GBE1: variants seen among roughly 807,000 people sequenced by gnomAD.
The protein encoded by GBE1 is 1,4-alpha-glucan branching enzyme 1.
In GBE1, 70 loss-of-function variants were observed where a neutral mutation model predicts 88.8. That is an observed-to-expected ratio of 0.79 (90% CI 0.65 to 0.96). The LOEUF (loss-of-function observed/expected upper bound fraction) is 0.96. GBE1 is among the 40% of genes least tolerant of loss of function. GBE1 has a pLI of 0.00. For synonymous variants in GBE1, 284 were observed against 300.1 expected (o/e 0.95, Z 0.56); for missense variants, 872 against 871.0 (o/e 1.00, Z -0.01).
rs1430819739 is a variant in GBE1 at position 81,705,616 on chromosome 3, T to C, written c.144-3A>G. The C allele has an allele frequency of 1.3e-6, 2 of 1,521,164 alleles. No homozygotes were observed. The highest frequency in any genetic ancestry group is 8.8e-7 in the Non-Finnish European group (1 of 1,134,632). 94.2% of individuals were successfully genotyped at this position (1,521,164 alleles called of 1,614,324 possible). ...AAATTTGGCTAAACTGCTTATACCTTTGAAGAAGTATGAAAGAAAATGAGT... is the reference window on the plus strand; with the variant it reads ...AAATTTGGCTAAACTGCTTATACCTCTGAAGAAGTATGAAAGAAAATGAGT... On this transcript the variant is annotated splice_region_variant and splice_polypyrimidine_tract_variant and intron_variant, in intron 1 of 15. Transcript: ENST00000429644.
chr3:81,741,105 C>A (rs2107219402), intron 1 of GBE1, among the ~76,000 whole-genome samples: 1 of 152,230 alleles, frequency 6.6e-6, no homozygotes, highest in Admixed American at 6.6e-5. Flanking sequence ...TAAAATTAAA[C>A]CACAATGTCA....
chr3:81,576,241 A>C (rs916474139), intron 12 of GBE1, among the ~76,000 whole-genome samples: 1 of 151,768 alleles, frequency 6.6e-6, no homozygotes, highest in Non-Finnish European at 1.5e-5. Flanking sequence ...CTTATTATAC[A>C]TGATAACTAT....
At chr3:81,677,187 G>A (rs1006448358) in intron 2 of GBE1, among the ~76,000 whole-genome samples, 1 of 152,000 alleles carries the variant, frequency 6.6e-6, no homozygotes, top group African/African-American at 2.4e-5. Context: ...TAGTATGTAG[G>A]GCCTTCCATT....
intron 2 of GBE1, among the ~76,000 whole-genome samples, chr3:81,704,365 C>A (rs1705741745): frequency 6.6e-6 from 1 of 151,912 alleles, no homozygotes; most frequent in Non-Finnish European, 1.5e-5. Flanking sequence ...AAAATTTGTT[C>A]TTTATACATG....
At chr3:81,549,693 G>T (rs1576144534) in intron 12 of GBE1, among the ~76,000 whole-genome samples, 1 of 151,484 alleles carries the variant, frequency 6.6e-6, no homozygotes, top group Admixed American at 6.6e-5. Flanking sequence ...AAAAATAAAA[G>T]TCTTATCTGA....
chr3:81,649,614 T>A (rs1704816381), intron 4 of GBE1, among the ~76,000 whole-genome samples, 182 bp downstream of exon 4: 1 of 152,158 alleles, frequency 6.6e-6, no homozygotes, highest in African/African-American at 2.4e-5. Context: ...AACTTCTATA[T>A]GTTACTGGCT....
At chr3:81,649,545 A>ATAC (rs1473130217) in intron 4 of GBE1, among the ~76,000 whole-genome samples, 1 of 152,194 alleles carries the variant, frequency 6.6e-6, no homozygotes, top group East Asian at 1.9e-4. Flanking sequence ...ATAGATTAGT[A>ATAC]TATAGCAATT....
intron 8 of GBE1, 83 bp downstream of exon 8, chr3:81,593,825 G>C: frequency 1.5e-6 from 1 of 670,780 alleles, no homozygotes; most frequent in Non-Finnish European, 2.6e-6. Flanking sequence ...ATATGTAATG[G>C]AACTAATAAA....
intron 14 of GBE1, among the ~76,000 whole-genome samples, chr3:81,508,749 C>A (rs1702687190): frequency 6.6e-6 from 1 of 152,062 alleles, no homozygotes; most frequent in Non-Finnish European, 1.5e-5. Context: ...CCATTTCAGG[C>A]AGAAAGACAG....
intron 3 of GBE1, among the ~76,000 whole-genome samples, chr3:81,665,762 G>T (rs1056268251): frequency 5.9e-5 from 9 of 152,204 alleles, no homozygotes; most frequent in African/African-American, 1.9e-4. Flanking sequence ...CAACATTGTT[G>T]AACAATTTAC....
intron 12 of GBE1, among the ~76,000 whole-genome samples, chr3:81,573,784 T>G (rs959456795): frequency 6.6e-6 from 1 of 151,844 alleles, no homozygotes; most frequent in East Asian, 1.9e-4. Context: ...TCTGTGTGTG[T>G]GTGTGTGTGT....
chr3:81,618,509 G>T (rs937703200), intron 7 of GBE1, among the ~76,000 whole-genome samples: 1 of 152,006 alleles, frequency 6.6e-6, no homozygotes, highest in Non-Finnish European at 1.5e-5. Context: ...CCACTGAAAA[G>T]GATCATTTTC....
intron 7 of GBE1, among the ~76,000 whole-genome samples, chr3:81,601,759 GAT>G (rs1234797966): frequency 6.6e-6 from 1 of 152,120 alleles, no homozygotes; most frequent in Non-Finnish European, 1.5e-5. Flanking sequence ...AAATCATAAA[GAT>G]AAGCATGTTT....
chr3:81,739,566 C>G (rs933297425), intron 1 of GBE1, among the ~76,000 whole-genome samples: 2 of 152,130 alleles, frequency 1.3e-5, no homozygotes, highest in Non-Finnish European at 2.9e-5. Context: ...TGAGTTAACG[C>G]CTGTCTCAAG....
chr3:81,550,969 T>G (rs1032229534), intron 12 of GBE1, among the ~76,000 whole-genome samples: 8 of 152,222 alleles, frequency 5.3e-5, no homozygotes, highest in Admixed American at 5.2e-4. Context: ...GAATTCTTTC[T>G]TGCCTAGATC....
chr3:81,573,100 T>A (rs562013645), intron 12 of GBE1, among the ~76,000 whole-genome samples: 8 of 140,954 alleles, frequency 5.7e-5, no homozygotes, highest in African/African-American at 2.3e-4. Flanking sequence ...TAAAAAAAAA[T>A]AAACCATAAT....
chr3:81,517,335 AT>A lies in GBE1; in HGVS notation c.1934+17859del, dbSNP rs200493697. 2.3e-3 allele frequency among the ~76,000 whole-genome samples: 348 copies of A among 150,404 alleles called. 2 individuals are homozygous for A. The highest frequency in any genetic ancestry group is 0.02 in the Middle Eastern group (6 of 294). ...AGTATTTTTAAATTATGGCATGTAC[AT>A]TTTTTTTTAGACATAAGGCTATTGC... On this transcript the variant is annotated intron_variant, in intron 14 of 15. Transcript: ENST00000429644.
intron 14 of GBE1, among the ~76,000 whole-genome samples, chr3:81,525,989 G>T (rs540202266): frequency 2.6e-5 from 4 of 152,078 alleles, no homozygotes; most frequent in South Asian, 2.1e-4. Flanking sequence ...CCAGCTCATG[G>T]ATTCATTGAT....
Position 81,499,198 on chromosome 3 carries a change from G to C in GBE1, c.1964C>G (p.Ala655Gly), listed in dbSNP as rs377105672. 5.0e-6 allele frequency: 8 copies of C among 1,609,998 alleles called. No individual in the cohort carries two copies. Among genetic ancestry groups the C allele is most frequent in the Non-Finnish European group, 6.8e-6 (8 of 1,177,392 alleles). Reference protein sequence around the residue: ...KFKIVLDSDAAEYGGHQRLDH... With the variant: ...KFKIVLDSDAGEYGGHQRLDH... Reference sequence around the variant, plus strand: ...CAGTCTCTGATGCCCTCCATATTCCGCTGCATCTGAATCTAGCACAATTTT... The same window carrying C: ...CAGTCTCTGATGCCCTCCATATTCCCCTGCATCTGAATCTAGCACAATTTT... The change falls in exon 15 of 16, where the codon GCG (alanine) becomes GGG (glycine). Residue 655 changes from alanine (A) to glycine (G), a missense_variant. Physicochemically the swap from Ala to Gly is moderately conservative, Grantham distance 60. Transcript: ENST00000429644.
Sources: gnomAD v4.1 joint callset for allele counts (sites outside exome capture counted in the v4.1 genomes callset) on GRCh38, gnomAD v4.1.1 for gene constraint, MANE v1.5 for transcripts, NCBI Gene and HGNC (gene_info 2026-07-23, HGNC 2026-07-21) for gene names.